DTHD1: variants seen among roughly 807,000 people sequenced by gnomAD.
The protein encoded by DTHD1 is death domain containing 1.
In DTHD1, 59 loss-of-function variants were observed where a neutral mutation model predicts 74.8. The observed-to-expected ratio is 0.79, with a 90% CI of 0.64 to 0.98. DTHD1 has a LOEUF of 0.98. Ranked by LOEUF, DTHD1 falls within the 50% of genes least tolerant of loss-of-function variation. DTHD1 has a pLI of 0.00. For synonymous variants in DTHD1, 365 were observed against 371.1 expected (o/e 0.98, Z 0.19); for missense variants, 1,051 against 1,065.4 (o/e 0.99, Z 0.19).
intron 8 of DTHD1, among the ~76,000 whole-genome samples, chr4:36,321,796 T>G (rs1315865378): frequency 1.3e-5 from 2 of 152,102 alleles, no homozygotes; most frequent in Non-Finnish European, 2.9e-5. Context: ...GCTCCCAGCT[T>G]CCATCAGAAT....
chr4:36,314,751 T>C (rs1049436847), intron 7 of DTHD1, among the ~76,000 whole-genome samples: 1 of 105,426 alleles, frequency 9.5e-6, no homozygotes, highest in Non-Finnish European at 1.9e-5. Context: ...ATCTGAGTTT[T>C]TTTTTTTTTT....
At chr4:36,292,059 A>G (rs927903295) in intron 3 of DTHD1, among the ~76,000 whole-genome samples, 10 of 152,158 alleles carry the variant, frequency 6.6e-5, no homozygotes, top group Non-Finnish European at 1.0e-4. Context: ...TGGGTTACAA[A>G]TAAGGTTTTA....
chr4:36,322,918 T>C (rs541871872), intron 8 of DTHD1, among the ~76,000 whole-genome samples: 21 of 152,162 alleles, frequency 1.4e-4, no homozygotes, highest in Non-Finnish European at 2.8e-4. Context: ...GGAGAGAATA[T>C]TTTGTGCATG....
chr4:36,330,173 C>T (rs1048346019), intron 8 of DTHD1, among the ~76,000 whole-genome samples: 2 of 152,228 alleles, frequency 1.3e-5, no homozygotes, highest in Admixed American at 6.5e-5. Flanking sequence ...CTTAAGGGTA[C>T]GAGTTTAATG....
intron 8 of DTHD1, among the ~76,000 whole-genome samples, chr4:36,319,408 C>G (rs1015414369): frequency 5.9e-5 from 9 of 152,232 alleles, no homozygotes; most frequent in African/African-American, 2.2e-4. Flanking sequence ...TCTACAAACT[C>G]TTAACTGACA....
chr4:36,292,907 G>T (rs1240111350), intron 3 of DTHD1, among the ~76,000 whole-genome samples: 1 of 152,176 alleles, frequency 6.6e-6, no homozygotes. Context: ...AAAAAACCTT[G>T]AGTATGTGTC....
intron 1 of DTHD1, among the ~76,000 whole-genome samples, chr4:36,283,171 G>T (rs896809905): frequency 1.3e-5 from 2 of 152,178 alleles, no homozygotes; most frequent in African/African-American, 4.8e-5. Flanking sequence ...TACTAAGCCT[G>T]CAAGAAGTCA....
At chr4:36,309,463 C>A (rs775241426) in intron 7 of DTHD1, among the ~76,000 whole-genome samples, 12 of 152,158 alleles carry the variant, frequency 7.9e-5, no homozygotes, top group Non-Finnish European at 1.8e-4. Context: ...TCCCATATTT[C>A]TCTAGTGCTA....
rs554174214 is a variant in DTHD1, at chr4:36,329,708, A to C, written c.2341-9404A>C. On this transcript the variant is annotated intron_variant, in intron 8 of 9. Transcript: ENST00000639862. Reference sequence around the variant, plus strand: ...AATATACACACCAGTTTTAAATAAAAAGGAATCGAAACAGTGAAACAATGT... The same window carrying C: ...AATATACACACCAGTTTTAAATAAACAGGAATCGAAACAGTGAAACAATGT... Among the ~76,000 whole-genome samples, 11 of 152,326 alleles carry C rather than the reference A, an allele frequency of 7.2e-5. No homozygotes were observed. In the South Asian group the frequency reaches 2.1e-3, roughly 29 times the overall value.
intron 4 of DTHD1, among the ~76,000 whole-genome samples, chr4:36,293,974 G>C (rs1756240488): frequency 6.6e-6 from 1 of 151,822 alleles, no homozygotes; most frequent in African/African-American, 2.4e-5. Flanking sequence ...GATATTTATT[G>C]GGAAAATTTA....
chr4:36,322,563 G>A (rs1225189596), intron 8 of DTHD1, among the ~76,000 whole-genome samples: 8 of 152,108 alleles, frequency 5.3e-5, no homozygotes, highest in South Asian at 2.1e-4. Context: ...CCAAGACTCC[G>A]AGACGGGCAC....
intron 7 of DTHD1, among the ~76,000 whole-genome samples, chr4:36,314,416 T>C (rs1250833546): frequency 6.7e-6 from 1 of 149,818 alleles, no homozygotes; most frequent in East Asian, 2.0e-4. Context: ...CTCATGCCTG[T>C]AATCCCAGCA....
At chr4:36,306,125 G>T in intron 5 of DTHD1, 66 bp from the exon 6 acceptor site, 1 of 1,353,742 alleles carries the variant, frequency 7.4e-7, no homozygotes, top group South Asian at 1.4e-5. Flanking sequence ...ATGAAAGAAT[G>T]AATGCATTAA....
At chr4:36,340,535 T>C (rs182858743) in intron 9 of DTHD1, among the ~76,000 whole-genome samples, 10 of 152,204 alleles carry the variant, frequency 6.6e-5, no homozygotes, top group African/African-American at 2.4e-4. Flanking sequence ...CTCAGCTTGC[T>C]CAGCTGAGTG....
At position 36,284,448 on chromosome 4, in the gene DTHD1, A is replaced by C; in HGVS notation, c.744A>C (p.Thr248=). The stretch of plus-strand genomic sequence containing the variant: ...ATGGCATAATTCAGACAACAGAGAC[A>C]GAAATTCAAGAGACTTCAGAAAGCC... ...ETHGIIQTTE[T]EIQETSESPR... Residue 248 remains threonine (T), a synonymous_variant, in exon 2 of 10, where the codon ACA becomes ACC. Coordinates refer to ENST00000639862, the MANE Select transcript of DTHD1 (RefSeq NM_001170700.3). 1 of 1,537,180 alleles carries C rather than the reference A, an allele frequency of 6.5e-7. No individual in the cohort carries two copies. The highest frequency in any genetic ancestry group is 8.7e-7 in the Non-Finnish European group (1 of 1,146,836).
At chr4:36,289,898 A>G (rs2109451368) in intron 2 of DTHD1, among the ~76,000 whole-genome samples, 1 of 152,082 alleles carries the variant, frequency 6.6e-6, no homozygotes, top group African/African-American at 2.4e-5. Context: ...AATCATCATC[A>G]TCATTTGATC....
chr4:36,315,975 G>A (rs1434512243), intron 7 of DTHD1, among the ~76,000 whole-genome samples: 2 of 152,154 alleles, frequency 1.3e-5, no homozygotes, highest in African/African-American at 2.4e-5. Context: ...TCCTTCTAGC[G>A]CCCAGGCTGG....
At chr4:36,326,327 T>C (rs566469769) in intron 8 of DTHD1, among the ~76,000 whole-genome samples, 1 of 149,810 alleles carries the variant, frequency 6.7e-6, no homozygotes, top group Non-Finnish European at 1.5e-5. Context: ...TATATAAAAA[T>C]CATGGTAATG....
At chr4:36,335,240 A>G (rs760368236) in intron 8 of DTHD1, among the ~76,000 whole-genome samples, 1 of 151,924 alleles carries the variant, frequency 6.6e-6, no homozygotes, top group Non-Finnish European at 1.5e-5. Flanking sequence ...AAGTTTTTTG[A>G]GGGGGGGTGC....
Sources: allele counts gnomAD v4.1 joint callset (sites outside exome capture counted in the v4.1 genomes callset), GRCh38; gene constraint gnomAD v4.1.1; transcripts MANE v1.5; gene names NCBI Gene and HGNC (gene_info 2026-07-23, HGNC 2026-07-21).